KCNJ6: variants seen among roughly 807,000 people sequenced by gnomAD.
The protein encoded by KCNJ6 is G protein-activated inward rectifier potassium channel 2.
KCNJ6 carries 9 observed loss-of-function variants against 34.2 expected under a neutral mutation model. That is an observed-to-expected ratio of 0.26 (90% CI 0.16 to 0.46). The LOEUF (loss-of-function observed/expected upper bound fraction) is 0.46, where lower values mean the gene tolerates loss of function less well. KCNJ6 is among the 20% of genes least tolerant of loss of function. The probability of loss-of-function intolerance (pLI) is 1.00; values close to 1 mark genes in which losing one functional copy is unlikely to be tolerated. For missense variants in KCNJ6, 236 were observed against 531.3 expected (o/e 0.44, Z 5.46); for synonymous variants, 196 against 207.1 (o/e 0.95, Z 0.46).
At chr21:37,635,704 A>T (rs2054354669) in intron 3 of KCNJ6, among the ~76,000 whole-genome samples, 3 of 151,682 alleles carry the variant, frequency 2.0e-5, no homozygotes. Context: ...TTTTGTAGAG[A>T]TGGGTTTTTG....
At chr21:37,762,493 G>A (rs2055070600) in intron 2 of KCNJ6, among the ~76,000 whole-genome samples, 1 of 152,228 alleles carries the variant, frequency 6.6e-6, no homozygotes, top group Non-Finnish European at 1.5e-5. Flanking sequence ...GAAATCCACA[G>A]GTGCTGGCCA....
intron 2 of KCNJ6, among the ~76,000 whole-genome samples, chr21:37,766,496 G>GA (rs927854794): frequency 9.2e-5 from 14 of 152,072 alleles, no homozygotes; most frequent in African/African-American, 3.4e-4. Flanking sequence ...GCTGAAGTCA[G>GA]AAAAAAATAA....
At chr21:37,662,905 T>C in intron 3 of KCNJ6, among the ~76,000 whole-genome samples, 1 of 152,218 alleles carries the variant, frequency 6.6e-6, no homozygotes, top group East Asian at 1.9e-4. Context: ...CACATAAATG[T>C]CTTCTTTTGA....
intron 1 of KCNJ6, among the ~76,000 whole-genome samples, chr21:37,885,561 G>A (rs1352250524): frequency 6.6e-6 from 1 of 152,220 alleles, no homozygotes; most frequent in Non-Finnish European, 1.5e-5. Flanking sequence ...TTTGAAACAT[G>A]AGAGGGATTC....
At chr21:37,849,332 T>C (rs1411104428) in intron 1 of KCNJ6, among the ~76,000 whole-genome samples, 1 of 152,208 alleles carries the variant, frequency 6.6e-6, no homozygotes, top group Non-Finnish European at 1.5e-5. Flanking sequence ...TGGGGGCTCT[T>C]ATACCAGGGT....
At chr21:37,884,426 C>T (rs1249793838) in intron 1 of KCNJ6, among the ~76,000 whole-genome samples, 1 of 152,118 alleles carries the variant, frequency 6.6e-6, no homozygotes, top group African/African-American at 2.4e-5. Context: ...CTTCCTGCCT[C>T]CTTTCTGTTT....
intron 2 of KCNJ6, among the ~76,000 whole-genome samples, chr21:37,733,137 C>A (rs1484659070): frequency 1.3e-5 from 2 of 152,176 alleles, no homozygotes; most frequent in African/African-American, 4.8e-5. Context: ...TTAATGCTGA[C>A]TTCCTCTTTT....
chr21:37,830,246 C>G (rs2055419095), intron 2 of KCNJ6, among the ~76,000 whole-genome samples: 1 of 152,180 alleles, frequency 6.6e-6, no homozygotes, highest in African/African-American at 2.4e-5. Context: ...TCAGGTTGAT[C>G]ATCCCAGTGT....
At chr21:37,642,282 C>T (rs1028466916) in intron 3 of KCNJ6, among the ~76,000 whole-genome samples, 1 of 151,944 alleles carries the variant, frequency 6.6e-6, no homozygotes, top group Non-Finnish European at 1.5e-5. Flanking sequence ...CCTGTGAAAA[C>T]GTAACATCTG....
At chr21:37,767,212 C>G (rs942233625) in intron 2 of KCNJ6, among the ~76,000 whole-genome samples, 18 of 152,192 alleles carry the variant, frequency 1.2e-4, no homozygotes, top group African/African-American at 4.3e-4. Context: ...GAGCACACAT[C>G]TTTGTCTAGG....
At position 37,608,211 on chromosome 21, in the gene KCNJ6, T is replaced by C. The variant is rs1218711832; in HGVS notation, c.*16948A>G. 1 of 152,236 alleles carries C rather than the reference T, an allele frequency of 6.6e-6. No individual in the cohort carries two copies. Among genetic ancestry groups the C allele is most frequent in the Admixed American group, 6.5e-5 (1 of 15,286 alleles). The allele number at this position is 152,236 out of a possible 1,614,324, so 9.4% of individuals were successfully genotyped here. A position where few individuals can be genotyped will look rare whatever the true frequency, so the allele number is the denominator to read the frequency against. Reference sequence around the variant, plus strand: ...CAAATGCATATTTTATCAAATCCTATGATCCTAGGCTGGTCTAGGTACCAT... The same window carrying C: ...CAAATGCATATTTTATCAAATCCTACGATCCTAGGCTGGTCTAGGTACCAT... On this transcript the variant is annotated 3_prime_UTR_variant, in exon 4 of 4. Transcript: ENST00000609713.
chr21:37,677,269 C>T (rs1411936517), intron 3 of KCNJ6, among the ~76,000 whole-genome samples: 1 of 152,188 alleles, frequency 6.6e-6, no homozygotes, highest in Non-Finnish European at 1.5e-5. Context: ...TCCATGGCAA[C>T]AGCTCAGTTC....
At chr21:37,707,723 A>ATGTGTGTGTGTGTGTG (rs1491422353) in intron 3 of KCNJ6, among the ~76,000 whole-genome samples, 3 of 778 alleles carry the variant, frequency 3.9e-3, no homozygotes, top group African/African-American at 0.012. Context: ...GTATCTGTGC[A>ATGTGTGTGTGTGTGTG]TGTGTGTGTG....
intron 3 of KCNJ6, among the ~76,000 whole-genome samples, chr21:37,702,559 A>T (rs1037911120): frequency 7.9e-5 from 12 of 152,144 alleles, no homozygotes; most frequent in Non-Finnish European, 1.3e-4. Context: ...CTTTGGCCAT[A>T]CTGGTTGTAC....
At chr21:37,696,206 A>C (rs1045053121) in intron 3 of KCNJ6, among the ~76,000 whole-genome samples, 5 of 152,240 alleles carry the variant, frequency 3.3e-5, no homozygotes, top group Non-Finnish European at 7.3e-5. Flanking sequence ...AAGTTTGAGG[A>C]GGAATAAGAT....
intron 3 of KCNJ6, among the ~76,000 whole-genome samples, chr21:37,673,276 G>A (rs1225995963): frequency 6.6e-6 from 1 of 152,250 alleles, no homozygotes; most frequent in Non-Finnish European, 1.5e-5. Flanking sequence ...CTAGGGAAGT[G>A]GGTGGTTGTC....
intron 1 of KCNJ6, among the ~76,000 whole-genome samples, chr21:37,897,116 T>C (rs777384857): frequency 9.2e-5 from 14 of 152,226 alleles, no homozygotes; most frequent in Non-Finnish European, 2.1e-4. Flanking sequence ...ATCTCAATGC[T>C]GGGCTGACAG....
At chr21:37,761,556 G>A (rs1386405356) in intron 2 of KCNJ6, among the ~76,000 whole-genome samples, 3 of 149,482 alleles carry the variant, frequency 2.0e-5, no homozygotes, top group Non-Finnish European at 4.4e-5. Context: ...TGGTATGTGT[G>A]TATGTGTTGT....
chr21:37,625,196 C>G lies in KCNJ6; in HGVS notation c.1235G>C (p.Gly412Ala), dbSNP rs757683521. Residue 412 changes from glycine to alanine, a missense_variant, in exon 4 of 4, where the codon GGT (glycine) becomes GCT (alanine). By Grantham distance (60) the Gly-to-Ala change is moderately conservative. Coordinates refer to ENST00000609713, the MANE Select transcript of KCNJ6 (RefSeq NM_002240.5). ...KNLEEQTERN[G>A]DVANLENESK... Reference sequence around the variant, plus strand: ...TTCATTCTCCAGGTTTGCCACATCACCATTTCTTTCTGTTTGCTCTTCGAG... The same window carrying G: ...TTCATTCTCCAGGTTTGCCACATCAGCATTTCTTTCTGTTTGCTCTTCGAG... The G allele has an allele frequency of 6.2e-7, 1 of 1,614,196 alleles. No individual in the cohort carries two copies. Among genetic ancestry groups the G allele is most frequent in the South Asian group, 1.1e-5 (1 of 91,082 alleles).
Sources: gnomAD v4.1 joint callset for allele counts (sites outside exome capture counted in the v4.1 genomes callset) on GRCh38, gnomAD v4.1.1 for gene constraint, MANE v1.5 for transcripts, NCBI Gene and HGNC (gene_info 2026-07-23, HGNC 2026-07-21) for gene names.